Variants in NEDD4L observed in about 807,000 individuals in gnomAD.
NEDD4L encodes NEDD4 like E3 ubiquitin protein ligase, also known as E3 ubiquitin-protein ligase NEDD4-like.
In NEDD4L, 54 loss-of-function variants were observed where a neutral mutation model predicts 148.9. That is an observed-to-expected ratio of 0.36 (90% CI 0.29 to 0.45). NEDD4L has a LOEUF of 0.45. NEDD4L is among the 20% of genes least tolerant of loss of function. The probability of loss-of-function intolerance (pLI) is 1.00; values close to 1 mark genes in which losing one functional copy is unlikely to be tolerated. For missense variants in NEDD4L, 856 were observed against 1,233.8 expected (o/e 0.69, Z 4.59); for synonymous variants, 433 against 440.7 (o/e 0.98, Z 0.22).
At chr18:58,150,622 T>C (rs1314858281) in intron 1 of NEDD4L, among the ~76,000 whole-genome samples, 1 of 152,250 alleles carries the variant, frequency 6.6e-6, no homozygotes, top group African/African-American at 2.4e-5. Context: ...TGACAGAATG[T>C]TTTTTAGATG....
chr18:58,287,172 A>C (rs764404603), intron 5 of NEDD4L, among the ~76,000 whole-genome samples: 1 of 143,730 alleles, frequency 7.0e-6, no homozygotes, highest in African/African-American at 2.6e-5. Context: ...ATTGAACTTT[A>C]TCCTGCTAAG....
rs2044350227 is a variant in NEDD4L at position 58,296,555 on chromosome 18, G to A, written c.298-19427G>A. ...CTCCAGCTTCTGGGGGCTGCCAGCG[G>A]GCTCCAGCCTCTGCCGCTGGGGCTG... On this transcript the variant is annotated intron_variant, in intron 5 of 30. Coordinates refer to ENST00000400345, the MANE Select transcript of NEDD4L (RefSeq NM_001144967.3). Among the ~76,000 whole-genome samples the A allele has an allele frequency of 2.0e-5, 3 of 152,234 alleles. No homozygotes were observed. The South Asian group carries it at 6.2e-4, about 32-fold the overall frequency.
chr18:58,128,472 A>G (rs2031529490), intron 1 of NEDD4L, among the ~76,000 whole-genome samples: 1 of 152,206 alleles, frequency 6.6e-6, no homozygotes, highest in Non-Finnish European at 1.5e-5. Context: ...CTCTGAGTCA[A>G]TTATACAGGC....
chr18:58,297,822 A>G (rs929710699), intron 5 of NEDD4L, among the ~76,000 whole-genome samples: 6 of 152,146 alleles, frequency 3.9e-5, no homozygotes, highest in Admixed American at 3.9e-4. Context: ...ACATTTGACC[A>G]GAGAGAGATT....
At chr18:58,348,326 C>CTTTTTTTTT (rs771263533) in intron 16 of NEDD4L, among the ~76,000 whole-genome samples, 3,572 of 88,428 alleles carry the variant, frequency 0.04, 140 homozygotes, top group Non-Finnish European at 0.049. Context: ...TCTTTTTTTT[C>CTTTTTTTTT]TTTTTTTTTT....
intron 2 of NEDD4L, among the ~76,000 whole-genome samples, chr18:58,196,774 T>C: frequency 7.1e-6 from 1 of 140,874 alleles, no homozygotes; most frequent in East Asian, 2.4e-4. Context: ...GGTAAACATA[T>C]AACTTGAGGA....
At chr18:58,226,850 G>A (rs529167375) in intron 2 of NEDD4L, among the ~76,000 whole-genome samples, 6 of 152,084 alleles carry the variant, frequency 3.9e-5, no homozygotes, top group Admixed American at 6.5e-5. Flanking sequence ...ACTCCAGAGC[G>A]CATGCCCTCT....
At chr18:58,044,952 C>T (rs1399652020) in intron 1 of NEDD4L, 2 of 451,832 alleles carry the variant, frequency 4.4e-6, no homozygotes, top group South Asian at 4.7e-5. Flanking sequence ...TGGGGGTTCA[C>T]TCCGCAGCTC....
chr18:58,338,870 T>C (rs778182089), intron 13 of NEDD4L, among the ~76,000 whole-genome samples: 1 of 152,102 alleles, frequency 6.6e-6, no homozygotes, highest in Non-Finnish European at 1.5e-5. Flanking sequence ...GAGCCAAGAT[T>C]GTGCCACTGT....
chr18:58,340,460 C>A (rs2042281178), intron 13 of NEDD4L, among the ~76,000 whole-genome samples: 1 of 152,158 alleles, frequency 6.6e-6, no homozygotes, highest in African/African-American at 2.4e-5. Context: ...CACAGATGTC[C>A]TGGGTGGTCC....
intron 19 of NEDD4L, among the ~76,000 whole-genome samples, chr18:58,357,734 G>A (rs1052016862): frequency 4.6e-5 from 7 of 152,144 alleles, no homozygotes; most frequent in Non-Finnish European, 7.4e-5. Context: ...GAACTCTGCC[G>A]ACCCACAGTG....
intron 2 of NEDD4L, among the ~76,000 whole-genome samples, chr18:58,213,508 A>G (rs923931873): frequency 1.3e-5 from 2 of 152,232 alleles, no homozygotes; most frequent in Non-Finnish European, 2.9e-5. Flanking sequence ...TCCTGTGCCC[A>G]TATGTGTAAA....
chr18:58,202,765 G>C (rs952354321), intron 2 of NEDD4L, among the ~76,000 whole-genome samples: 1 of 152,130 alleles, frequency 6.6e-6, no homozygotes, highest in Non-Finnish European at 1.5e-5. Flanking sequence ...ATTTGTCTCT[G>C]ATACTTCATA....
At chr18:58,135,279 C>T (rs1485839717) in intron 1 of NEDD4L, among the ~76,000 whole-genome samples, 1 of 152,154 alleles carries the variant, frequency 6.6e-6, no homozygotes, top group Non-Finnish European at 1.5e-5. Context: ...AGAGAAGGGA[C>T]GATGATGTGG....
chr18:58,299,399 A>G (rs190143766), intron 5 of NEDD4L, among the ~76,000 whole-genome samples: 7 of 152,366 alleles, frequency 4.6e-5, no homozygotes, highest in Admixed American at 4.6e-4. Flanking sequence ...TATGAATAAC[A>G]TTGATATATT....
At chr18:58,155,448 G>C (rs978073662) in intron 1 of NEDD4L, among the ~76,000 whole-genome samples, 5 of 152,166 alleles carry the variant, frequency 3.3e-5, no homozygotes, top group African/African-American at 1.2e-4. Context: ...TCATAACACA[G>C]GGAAAATCCA....
chr18:58,145,874 A>G (rs1053234508), intron 1 of NEDD4L, among the ~76,000 whole-genome samples: 3 of 151,748 alleles, frequency 2.0e-5, no homozygotes, highest in African/African-American at 7.2e-5. Context: ...ACTCTTTGTC[A>G]GTCAGGTGAT....
intron 2 of NEDD4L, among the ~76,000 whole-genome samples, chr18:58,232,591 A>G (rs1306538913): frequency 6.6e-6 from 1 of 152,200 alleles, no homozygotes; most frequent in African/African-American, 2.4e-5. Flanking sequence ...GAAAATACAT[A>G]TCCTATGGCA....
chr18:58,049,192 G>A (rs2081740169), intron 1 of NEDD4L, among the ~76,000 whole-genome samples: 1 of 152,212 alleles, frequency 6.6e-6, no homozygotes, highest in South Asian at 2.1e-4. Context: ...TCAACGAGTA[G>A]TCAGATTTCT....
Sources: allele counts gnomAD v4.1 joint callset (sites outside exome capture counted in the v4.1 genomes callset), GRCh38; gene constraint gnomAD v4.1.1; transcripts MANE v1.5; gene names NCBI Gene and HGNC (gene_info 2026-07-23, HGNC 2026-07-21).